TENM2: variants seen among roughly 807,000 people sequenced by gnomAD.
TENM2 encodes teneurin transmembrane protein 2, also known as teneurin-2.
Under a neutral mutation model 245.2 loss-of-function variants are expected in TENM2, and 52 were observed. That is an observed-to-expected ratio of 0.21 (90% CI 0.17 to 0.27). TENM2 has a LOEUF of 0.27. Among genes scored for constraint, TENM2 ranks in the 10% least tolerant of loss-of-function variants. TENM2 has a pLI of 1.00. For synonymous variants in TENM2, 1,363 were observed against 1,438.9 expected (o/e 0.95, Z 1.19); for missense variants, 3,046 against 3,666.8 (o/e 0.83, Z 4.37).
chr5:167,853,801 A>C (rs1382152127), intron 2 of TENM2, among the ~76,000 whole-genome samples: 1 of 152,138 alleles, frequency 6.6e-6, no homozygotes, highest in African/African-American at 2.4e-5. Flanking sequence ...TAAGTTTTAG[A>C]TTTTCCACTT....
chr5:167,111,903 T>C, the TENM2 span, among the ~76,000 whole-genome samples: 3 of 152,212 alleles, frequency 2.0e-5, no homozygotes, highest in Non-Finnish European at 4.4e-5. Context: ...AGAAATAATG[T>C]GTTCCCTAAT....
chr5:167,072,587 C>G, the TENM2 span, among the ~76,000 whole-genome samples: 1 of 152,162 alleles, frequency 6.6e-6, no homozygotes, highest in African/African-American at 2.4e-5. Flanking sequence ...GTGCCAAGTG[C>G]TTTCACAGAA....
At chr5:167,943,666 A>G (rs1047481811) in intron 3 of TENM2, among the ~76,000 whole-genome samples, 1 of 152,212 alleles carries the variant, frequency 6.6e-6, no homozygotes, top group African/African-American at 2.4e-5. Context: ...TGGGAAAGTG[A>G]TAATGCTGCT....
chr5:166,979,194 C>CCACCACCAGCAG, the TENM2 span, among the ~76,000 whole-genome samples: 10 of 142,044 alleles, frequency 7.0e-5, no homozygotes, highest in African/African-American at 2.8e-4. Flanking sequence ...AGCACCACCA[C>CCACCACCAGCAG]CAGCAGCAGC....
At chr5:168,004,891 T>G (rs1476751972) in intron 5 of TENM2, among the ~76,000 whole-genome samples, 1 of 152,214 alleles carries the variant, frequency 6.6e-6, no homozygotes, top group Non-Finnish European at 1.5e-5. Flanking sequence ...ATTTTAGGCT[T>G]TTAAAAAACT....
At chr5:167,815,510 G>T (rs2151012211) in intron 2 of TENM2, among the ~76,000 whole-genome samples, 1 of 152,260 alleles carries the variant, frequency 6.6e-6, no homozygotes, top group African/African-American at 2.4e-5. Flanking sequence ...AAATACAATT[G>T]TGTCTGACCA....
chr5:167,483,223 G>A (rs1338078616), intron 2 of TENM2, among the ~76,000 whole-genome samples: 1 of 152,180 alleles, frequency 6.6e-6, no homozygotes, highest in Non-Finnish European at 1.5e-5. Flanking sequence ...CCTATTGCAG[G>A]CTATGATAAA....
intron 2 of TENM2, among the ~76,000 whole-genome samples, chr5:167,527,075 A>T (rs748660715): frequency 6.6e-6 from 1 of 151,652 alleles, no homozygotes; most frequent in South Asian, 2.1e-4. Flanking sequence ...CTCTCCCAAC[A>T]CTCCCTTCTT....
chr5:167,467,950 T>A (rs553439387), intron 2 of TENM2, among the ~76,000 whole-genome samples: 8 of 152,198 alleles, frequency 5.3e-5, no homozygotes, highest in Admixed American at 3.3e-4. Flanking sequence ...ATATATATAT[T>A]TTTGAGACGA....
chr5:167,104,350 T>C, the TENM2 span, among the ~76,000 whole-genome samples: 1 of 152,180 alleles, frequency 6.6e-6, no homozygotes, highest in Non-Finnish European at 1.5e-5. Context: ...AAGCACTTGT[T>C]TTCTCGAAGC....
At chr5:167,112,649 G>C in the TENM2 span, among the ~76,000 whole-genome samples, 2 of 152,160 alleles carry the variant, frequency 1.3e-5, no homozygotes, top group Non-Finnish European at 2.9e-5. Context: ...TGAAAAGACT[G>C]TTTCCAGATG....
At chr5:167,422,393 A>G (rs1164602676) in intron 2 of TENM2, among the ~76,000 whole-genome samples, 4 of 152,324 alleles carry the variant, frequency 2.6e-5, no homozygotes, top group East Asian at 1.9e-4. Flanking sequence ...CAACACGTCC[A>G]TGATTTAAGC....
chr5:167,362,483 C>T (rs990568344), intron 1 of TENM2, among the ~76,000 whole-genome samples: 11 of 152,168 alleles, frequency 7.2e-5, no homozygotes, highest in Non-Finnish European at 1.5e-4. Context: ...ATCCATCCAT[C>T]TCACTAGATG....
At chr5:167,297,261 A>G (rs1203969778) in intron 1 of TENM2, among the ~76,000 whole-genome samples, 1 of 152,180 alleles carries the variant, frequency 6.6e-6, no homozygotes, top group Non-Finnish European at 1.5e-5. Flanking sequence ...TAAATGCAAT[A>G]TAACCGAAGC....
At chr5:167,714,825 C>T (rs1317232709) in intron 2 of TENM2, among the ~76,000 whole-genome samples, 1 of 152,180 alleles carries the variant, frequency 6.6e-6, no homozygotes, top group Non-Finnish European at 1.5e-5. Flanking sequence ...ATCTCGACAG[C>T]CCCACACTGT....
chr5:167,521,798 CTG>C (rs1770773149), intron 2 of TENM2, among the ~76,000 whole-genome samples: 1 of 152,088 alleles, frequency 6.6e-6, no homozygotes, highest in Non-Finnish European at 1.5e-5. Flanking sequence ...TAATACAGCA[CTG>C]TGTTAGCCAG....
At chr5:167,716,502 C>G (rs953283298) in intron 2 of TENM2, among the ~76,000 whole-genome samples, 1 of 152,088 alleles carries the variant, frequency 6.6e-6, no homozygotes, top group African/African-American at 2.4e-5. Context: ...ATTTACATAC[C>G]TTCCAGATTG....
chr5:167,822,087 G>T (rs1029199099), intron 2 of TENM2, among the ~76,000 whole-genome samples: 2 of 151,976 alleles, frequency 1.3e-5, no homozygotes, highest in Admixed American at 6.6e-5. Flanking sequence ...TCTTTAGTCT[G>T]AGGAATCTGT....
the TENM2 span, among the ~76,000 whole-genome samples, chr5:167,102,944 G>A: frequency 6.6e-6 from 1 of 152,196 alleles, no homozygotes; most frequent in South Asian, 2.1e-4. Flanking sequence ...ACAGGCATGA[G>A]CCACCATGCC....
Sources: allele counts gnomAD v4.1 joint callset (sites outside exome capture counted in the v4.1 genomes callset), GRCh38; gene constraint gnomAD v4.1.1; transcripts MANE v1.5; gene names NCBI Gene and HGNC (gene_info 2026-07-23, HGNC 2026-07-21).